COL27A1: variants seen among roughly 807,000 people sequenced by gnomAD.
COL27A1 encodes collagen type XXVII alpha 1 chain, also known as collagen alpha-1(XXVII) chain.
COL27A1 carries 106 observed loss-of-function variants against 251.3 expected under a neutral mutation model. The observed-to-expected ratio is 0.42, with a 90% CI of 0.36 to 0.50. COL27A1 has a LOEUF of 0.50. Among genes scored for constraint, COL27A1 ranks in the 20% least tolerant of loss-of-function variants. The probability of loss-of-function intolerance (pLI) is 0.00; values close to 1 mark genes in which losing one functional copy is unlikely to be tolerated. For synonymous variants in COL27A1, 1,000 were observed against 986.3 expected, an observed-to-expected ratio of 1.01 and a Z score of -0.26; for missense variants, 2,325 against 2,522.8, an observed-to-expected ratio of 0.92 and a Z score of 1.68.
At chr9:114,178,390 G>T (rs764408402) in intron 4 of COL27A1, 46 bp downstream of exon 4, 3 of 1,568,958 alleles carry the variant, frequency 1.9e-6, no homozygotes, top group Non-Finnish European at 2.6e-6. Flanking sequence ...TGGCTCTTTG[G>T]CCTGCGTCTC....
Position 114,242,170 on chromosome 9 carries a change from G to A in COL27A1, c.2836-17G>A, listed in dbSNP as rs753008443. On this transcript the variant is annotated splice_polypyrimidine_tract_variant and intron_variant, in intron 21 of 60. Transcript: ENST00000356083. ...TAACTTTCTCCTTTTTTCCTCTCTC[G>A]TGTCTCCCAATTCTAGGGAGATGAG... 7.6e-6 allele frequency: 12 copies of A among 1,587,624 alleles called. No individual in the cohort carries two copies. The Admixed American group carries it at 1.1e-4, about 15-fold the overall frequency.
chr9:114,168,208 T>G lies in COL27A1; in HGVS notation c.653T>G (p.Ile218Ser). 6.2e-7 allele frequency: 1 copy of G among 1,613,970 alleles called. No homozygotes were observed. Among genetic ancestry groups the G allele is most frequent in the Non-Finnish European group, 8.5e-7 (1 of 1,180,012 alleles). ...GAAGGTGCTCTCTGCCAGTTCAGTATCTACCCTGTGACGCAGGTCGCTCAC... is the reference window on the plus strand; with the variant it reads ...GAAGGTGCTCTCTGCCAGTTCAGTAGCTACCCTGTGACGCAGGTCGCTCAC... ...QFEGALCQFSIYPVTQVAHNY... is the reference protein window; with the variant it reads ...QFEGALCQFSSYPVTQVAHNY... The change falls in exon 3 of 61, where the codon ATC becomes AGC. Residue 218 changes from isoleucine to serine, a missense_variant. Around this residue, in one of 4 missense-constraint regions of COL27A1, gnomAD observed 1,183 missense variants for 1,144.1 expected, o/e 1.03. Coordinates refer to ENST00000356083, the MANE Select transcript of COL27A1 (RefSeq NM_032888.4).
intron 49 of COL27A1, among the ~76,000 whole-genome samples, chr9:114,298,433 C>G (rs1320578214): frequency 1.3e-5 from 2 of 152,210 alleles, no homozygotes; most frequent in African/African-American, 2.4e-5. Context: ...GGACAACTCA[C>G]ACTTCCCAAT....
chr9:114,196,124 C>G, intron 7 of COL27A1, 112 bp downstream of exon 7: 6 of 926,242 alleles, frequency 6.5e-6, no homozygotes, highest in Non-Finnish European at 1.1e-5. Flanking sequence ...AGCCCAGCTC[C>G]CCTGGGCACA....
chr9:114,270,607 G>A, intron 35 of COL27A1, 121 bp from the exon 36 acceptor site: 1 of 711,822 alleles, frequency 1.4e-6, no homozygotes. Flanking sequence ...GGCCCCCAGG[G>A]TCCCACTGCC....
At chr9:114,212,521 A>G (rs1472803694) in intron 12 of COL27A1, among the ~76,000 whole-genome samples, 1 of 152,230 alleles carries the variant, frequency 6.6e-6, no homozygotes, top group African/African-American at 2.4e-5. Flanking sequence ...GTAGTGCTGA[A>G]TCTAAGAGAG....
chr9:114,205,409 C>A (rs1230594921), intron 8 of COL27A1, among the ~76,000 whole-genome samples: 3 of 152,258 alleles, frequency 2.0e-5, no homozygotes, highest in Admixed American at 2.0e-4. Context: ...GAATAGCTGG[C>A]CTGTTCCGGG....
chr9:114,206,026 G>C (rs934643093), intron 9 of COL27A1, among the ~76,000 whole-genome samples: 1 of 152,100 alleles, frequency 6.6e-6, no homozygotes, highest in Non-Finnish European at 1.5e-5. Context: ...CTGGTTCTGC[G>C]GGGCTGGGGC....
Position 114,211,066 on chromosome 9 carries a change from G to A in COL27A1, c.2367+40G>A, listed in dbSNP as rs576443904. 9 of 1,607,216 alleles carry A rather than the reference G, an allele frequency of 5.6e-6. No homozygotes were observed. The African/African-American group carries it at 6.7e-5, about 12-fold the overall frequency. On this transcript the variant is annotated intron_variant, in intron 12 of 60. Transcript: ENST00000356083. ...TGTCTATTACGCAGACTCTAGCGGG[G>A]AACCCCACCTCCCACGGCCACGCTG...
In COL27A1 at chr9:114,163,132, G is replaced by A. The variant is rs1366276235; in HGVS notation, c.133+347G>A. Among the ~76,000 whole-genome samples the A allele has an allele frequency of 2.0e-5, 3 of 152,136 alleles. No individual in the cohort carries two copies. In the East Asian group the frequency reaches 5.8e-4, roughly 30 times the overall value. On this transcript the variant is annotated intron_variant, in intron 2 of 60. Coordinates refer to ENST00000356083, the MANE Select transcript of COL27A1 (RefSeq NM_032888.4). ...GCCTGTAGTCCCAGCTACTCGGGAG[G>A]CTGAGGCAGGAGAATCGCTTCAACC...
intron 29 of COL27A1, 45 bp downstream of exon 29, chr9:114,264,453 G>C (rs1433599739): frequency 2.1e-6 from 3 of 1,443,796 alleles, no homozygotes; most frequent in South Asian, 1.3e-5. Flanking sequence ...TCCGACACTG[G>C]GTCAGGAATC....
chr9:114,211,506 C>A (rs1292428328), intron 12 of COL27A1, among the ~76,000 whole-genome samples: 1 of 152,222 alleles, frequency 6.6e-6, no homozygotes. Flanking sequence ...GCAGGCATGA[C>A]CGAAAGAGGG....
intron 24 of COL27A1, among the ~76,000 whole-genome samples, chr9:114,247,673 G>A (rs2029522): frequency 0.18 from 28,039 of 152,138 alleles, 2,859 homozygotes; most frequent in East Asian, 0.49. Context: ...GGACAGTAGC[G>A]GGAAGGAGGC....
chr9:114,304,616 T>A lies in COL27A1; in HGVS notation c.4881T>A (p.Asp1627Glu). ...GTCTTTTCCTTGCCCAGCAACAAGA[T>A]GATCTTGGGGCAGCTTTCCAGACGT... ...PPGGPIQLQQ[D>E]DLGAAFQTWM... Residue 1627 changes from aspartate (D) to glutamate (E), a missense_variant, in exon 57 of 61, where the codon GAT (aspartate) becomes GAA (glutamate). Coordinates refer to ENST00000356083, the MANE Select transcript of COL27A1 (RefSeq NM_032888.4). 1.9e-6 allele frequency: 3 copies of A among 1,614,126 alleles called. No homozygotes were observed. The highest frequency in any genetic ancestry group is 1.3e-5 in the African/African-American group (1 of 75,054).
In COL27A1 at chr9:114,265,403, C is replaced by T. The variant is rs529403483; in HGVS notation, c.3340-19C>T. 3.7e-6 allele frequency: 6 copies of T among 1,613,160 alleles called. No homozygotes were observed. Among genetic ancestry groups the T allele is most frequent in the East Asian group, 2.2e-5 (1 of 44,872 alleles). ...AAGGCCATGGAGGGCCTAAGGTCACCTTTACCTTGTCTCTGCAGGGCATCC... is the reference window on the plus strand; with the variant it reads ...AAGGCCATGGAGGGCCTAAGGTCACTTTTACCTTGTCTCTGCAGGGCATCC... On this transcript the variant is annotated intron_variant, in intron 31 of 60. Transcript: ENST00000356083.
chr9:114,292,219 G>A lies in COL27A1; in HGVS notation c.4584+9G>A. 2 of 1,549,028 alleles carry A rather than the reference G, an allele frequency of 1.3e-6. No individual in the cohort carries two copies. Among genetic ancestry groups the A allele is most frequent in the Non-Finnish European group, 1.7e-6 (2 of 1,145,248 alleles). ...GGTCCAAAGGCCAGCCGGTGAGTGAGCGCCAAAGAATACACATGCCCACGC... is the reference window on the plus strand; with the variant it reads ...GGTCCAAAGGCCAGCCGGTGAGTGAACGCCAAAGAATACACATGCCCACGC... On this transcript the variant is annotated intron_variant, in intron 49 of 60. Transcript: ENST00000356083.
At chr9:114,254,343 C>A (rs1232070783) in intron 27 of COL27A1, among the ~76,000 whole-genome samples, 1 of 151,032 alleles carries the variant, frequency 6.6e-6, no homozygotes, top group Admixed American at 6.6e-5. Flanking sequence ...GTTCAAGAGC[C>A]CCTTCTCCTT....
intron 5 of COL27A1, among the ~76,000 whole-genome samples, chr9:114,187,654 G>A (rs2135203446): frequency 6.6e-6 from 1 of 152,344 alleles, no homozygotes; most frequent in South Asian, 2.1e-4. Context: ...GATCCACTTT[G>A]TAGTGGCTGG....
intron 4 of COL27A1, among the ~76,000 whole-genome samples, chr9:114,179,870 G>A (rs777553672): frequency 1.8e-5 from 2 of 110,640 alleles, no homozygotes; most frequent in African/African-American, 7.2e-5. Flanking sequence ...CCAGAGTCTC[G>A]CTGTGTCTCC....
Sources: allele counts gnomAD v4.1 joint callset (sites outside exome capture counted in the v4.1 genomes callset), GRCh38; gene constraint gnomAD v4.1.1; regional missense constraint gnomAD v4.1.1; transcripts MANE v1.5; gene names NCBI Gene and HGNC (gene_info 2026-07-23, HGNC 2026-07-21).